CFAP299: variants seen among roughly 807,000 people sequenced by gnomAD.
CFAP299 encodes cilia and flagella associated protein 299, also known as cilia- and flagella-associated protein 299.
In CFAP299, 21 loss-of-function variants were observed where a neutral mutation model predicts 27.0. The observed-to-expected ratio is 0.78, with a 90% CI of 0.55 to 1.12. The LOEUF is 1.12. Ranked by LOEUF, CFAP299 falls within the 50% of genes most tolerant of loss-of-function variation. The pLI, the probability that CFAP299 is intolerant of heterozygous loss-of-function variation, is 0.00. For missense variants in CFAP299, 310 were observed against 276.6 expected (o/e 1.12, Z -0.86); for synonymous variants, 104 against 98.1 (o/e 1.06, Z -0.36).
intron 1 of CFAP299, among the ~76,000 whole-genome samples, chr4:80,344,594 A>G (rs1173582394): frequency 6.6e-6 from 1 of 152,202 alleles, no homozygotes; most frequent in East Asian, 1.9e-4. Context: ...TATCATTTCT[A>G]ATGAAACTAT....
At chr4:80,781,796 C>T (rs1191221862) in intron 3 of CFAP299, among the ~76,000 whole-genome samples, 1 of 151,180 alleles carries the variant, frequency 6.6e-6, no homozygotes, top group Non-Finnish European at 1.5e-5. Context: ...ACAAATGTAG[C>T]ATCTGAATAA....
chr4:80,490,017 G>T (rs1731033432), intron 2 of CFAP299, among the ~76,000 whole-genome samples: 2 of 152,142 alleles, frequency 1.3e-5, no homozygotes, highest in African/African-American at 4.8e-5. Context: ...TCTCTTGGGG[G>T]TTGGTTAGCA....
chr4:80,541,038 T>G (rs533640886), intron 2 of CFAP299, among the ~76,000 whole-genome samples: 1 of 152,168 alleles, frequency 6.6e-6, no homozygotes, highest in Non-Finnish European at 1.5e-5. Flanking sequence ...AATTAAAACC[T>G]TGCTACAAAA....
intron 2 of CFAP299, among the ~76,000 whole-genome samples, chr4:80,559,244 G>A (rs1461951671): frequency 6.9e-6 from 1 of 145,296 alleles, no homozygotes; most frequent in Admixed American, 6.7e-5. Context: ...CATGGTAGTT[G>A]GACTTCTTGC....
At chr4:80,884,226 T>A (rs542544208) in intron 4 of CFAP299, among the ~76,000 whole-genome samples, 1 of 152,172 alleles carries the variant, frequency 6.6e-6, no homozygotes, top group Non-Finnish European at 1.5e-5. Flanking sequence ...TACACATTCT[T>A]CTCAAGTGCA....
the CFAP299 span, among the ~76,000 whole-genome samples, chr4:80,327,690 T>TTATATATATATATA: frequency 2.7e-3 from 136 of 51,194 alleles, 1 homozygote; most frequent in Middle Eastern, 0.014. Flanking sequence ...TAGAGAGAAG[T>TTATATATATATATA]TATATATATA....
intron 3 of CFAP299, among the ~76,000 whole-genome samples, chr4:80,623,783 A>G (rs1405080739): frequency 6.6e-6 from 1 of 152,130 alleles, no homozygotes; most frequent in Non-Finnish European, 1.5e-5. Flanking sequence ...CCACAGCCCC[A>G]TACTCTAGAT....
intron 2 of CFAP299, among the ~76,000 whole-genome samples, chr4:80,489,480 A>G (rs1430883469): frequency 6.6e-6 from 1 of 152,192 alleles, no homozygotes; most frequent in Non-Finnish European, 1.5e-5. Flanking sequence ...GATAATATGG[A>G]AAACAACAAA....
intron 2 of CFAP299, among the ~76,000 whole-genome samples, chr4:80,405,911 A>T (rs1726392608): frequency 6.6e-6 from 1 of 152,166 alleles, no homozygotes; most frequent in Non-Finnish European, 1.5e-5. Flanking sequence ...TAGTTATTAG[A>T]TACAGCCATG....
At chr4:80,665,428 T>G (rs188173275) in intron 3 of CFAP299, among the ~76,000 whole-genome samples, 1 of 152,346 alleles carries the variant, frequency 6.6e-6, no homozygotes, top group Non-Finnish European at 1.5e-5. Context: ...ACTAAAACTT[T>G]GTAACTTTTC....
chr4:80,561,869 A>C (rs3113559), intron 2 of CFAP299, among the ~76,000 whole-genome samples: 5 of 152,298 alleles, frequency 3.3e-5, no homozygotes, highest in African/African-American at 9.6e-5. Flanking sequence ...TAACACTGTA[A>C]CTGTGTTGTG....
chr4:80,554,524 T>G (rs1335406227), intron 2 of CFAP299, among the ~76,000 whole-genome samples: 1 of 144,682 alleles, frequency 6.9e-6, no homozygotes, highest in Non-Finnish European at 1.5e-5. Flanking sequence ...TTTTTTTTTT[T>G]GTCATGTGAA....
the CFAP299 span, among the ~76,000 whole-genome samples, chr4:80,327,703 T>TATATATATATAACTTCAATAC: frequency 7.5e-6 from 1 of 133,168 alleles, no homozygotes. Flanking sequence ...TATATATATA[T>TATATATATATAACTTCAATAC]ATATATATAT....
At chr4:80,591,026 T>C (rs1736718256) in intron 3 of CFAP299, among the ~76,000 whole-genome samples, 1 of 151,392 alleles carries the variant, frequency 6.6e-6, no homozygotes, top group South Asian at 2.1e-4. Flanking sequence ...GTTATATTAA[T>C]CTTTCTTAAT....
At chr4:80,747,936 C>T (rs1017389100) in intron 3 of CFAP299, among the ~76,000 whole-genome samples, 23 of 151,946 alleles carry the variant, frequency 1.5e-4, no homozygotes, top group African/African-American at 4.8e-4. Flanking sequence ...TTGTACTTTC[C>T]GATCAAACAT....
At position 80,623,856 on chromosome 4, in the gene CFAP299, G is replaced by A. The variant is rs142758129; in HGVS notation, c.333+40673G>A. 5.8e-3 allele frequency among the ~76,000 whole-genome samples: 886 copies of A among 152,178 alleles called. 5 individuals are homozygous for A. The highest frequency in any genetic ancestry group is 0.021 in the African/African-American group (864 of 41,524). Reference sequence around the variant, plus strand: ...GCAAGACAGGACCACACAGCCCCACGTCTCAGGCTTGTGTGGAAGACTTGA... The same window carrying A: ...GCAAGACAGGACCACACAGCCCCACATCTCAGGCTTGTGTGGAAGACTTGA... On this transcript the variant is annotated intron_variant, in intron 3 of 5. Coordinates refer to ENST00000358105, the MANE Select transcript of CFAP299 (RefSeq NM_152770.3).
chr4:80,920,195 C>T (rs1259866849), intron 4 of CFAP299, among the ~76,000 whole-genome samples: 4 of 152,034 alleles, frequency 2.6e-5, no homozygotes, highest in African/African-American at 7.2e-5. Flanking sequence ...AGTCAATATC[C>T]GTTAGACTAA....
intron 2 of CFAP299, among the ~76,000 whole-genome samples, chr4:80,432,622 TC>T (rs1727878018): frequency 7.0e-6 from 1 of 143,350 alleles, no homozygotes; most frequent in South Asian, 2.3e-4. Flanking sequence ...AAGCTCCGCC[TC>T]CCAGGTTAAC....
chr4:80,638,595 G>A (rs1560671099), intron 3 of CFAP299, among the ~76,000 whole-genome samples: 2 of 152,134 alleles, frequency 1.3e-5, no homozygotes, highest in Non-Finnish European at 2.9e-5. Context: ...AGAATATAAG[G>A]ATGCAGCTAC....
Sources: allele counts gnomAD v4.1 joint callset (sites outside exome capture counted in the v4.1 genomes callset), GRCh38; gene constraint gnomAD v4.1.1; transcripts MANE v1.5; gene names NCBI Gene and HGNC (gene_info 2026-07-23, HGNC 2026-07-21).